Variants in TRPM3 observed in about 807,000 individuals in gnomAD.
TRPM3 encodes the protein long transient receptor potential channel 3.
Under a neutral mutation model 181.2 loss-of-function variants are expected in TRPM3, and 77 were observed. That is an observed-to-expected ratio of 0.42 (90% confidence interval 0.35 to 0.51). TRPM3 has a LOEUF of 0.51. Ranked by LOEUF, TRPM3 falls within the 20% of genes least tolerant of loss-of-function variation. TRPM3 has a pLI of 0.01. For missense variants in TRPM3, 1,759 were observed against 2,196.7 expected (o/e 0.80, Z 3.98); for synonymous variants, 745 against 796.4 (o/e 0.94, Z 1.09).
chr9:71,195,726 G>A (rs1416900543), intron 1 of TRPM3, among the ~76,000 whole-genome samples: 1 of 152,124 alleles, frequency 6.6e-6, no homozygotes, highest in Non-Finnish European at 1.5e-5. Context: ...ATCAGTGGAA[G>A]ACTGGGGTAA....
At chr9:70,963,672 C>T (rs1046633089) in intron 1 of TRPM3, among the ~76,000 whole-genome samples, 8 of 152,092 alleles carry the variant, frequency 5.3e-5, no homozygotes, top group African/African-American at 9.7e-5. Flanking sequence ...AGTAAATAAC[C>T]TGTTCAAGTT....
intron 6 of TRPM3, among the ~76,000 whole-genome samples, chr9:70,803,651 C>T (rs1012432971): frequency 6.6e-6 from 1 of 151,838 alleles, no homozygotes; most frequent in South Asian, 2.1e-4. Context: ...GGGGTTTCAC[C>T]GTGTTAGCCA....
chr9:71,086,281 T>C (rs900137262), intron 1 of TRPM3, among the ~76,000 whole-genome samples: 1 of 151,904 alleles, frequency 6.6e-6, no homozygotes, highest in Admixed American at 6.6e-5. Flanking sequence ...GGATTATTAG[T>C]ATCACAAACC....
At chr9:71,199,642 T>C in intron 1 of TRPM3, among the ~76,000 whole-genome samples, 1 of 152,212 alleles carries the variant, frequency 6.6e-6, no homozygotes, top group Non-Finnish European at 1.5e-5. Flanking sequence ...TTATTCTAGA[T>C]TTTCTAGTTT....
Position 70,953,312 on chromosome 9 carries a change from A to C in TRPM3, c.178-88801T>G, listed in dbSNP as rs12336935. Among the ~76,000 whole-genome samples the C allele has an allele frequency of 5.7e-3, 865 of 152,316 alleles. 6 individuals carry two copies. Among genetic ancestry groups the C allele is most frequent in the African/African-American group, 0.02 (815 of 41,576 alleles). On this transcript the variant is annotated intron_variant, in intron 1 of 25. Coordinates refer to ENST00000677713, the MANE Select transcript of TRPM3 (RefSeq NM_001366145.2). The stretch of plus-strand genomic sequence containing the variant: ...TGATTGGGAGACTGTGTCCATGAAC[A>C]TTCTTTCAAATCAAACTTAGTTTGA...
chr9:70,805,360 C>A (rs1463222861), intron 6 of TRPM3, among the ~76,000 whole-genome samples: 2 of 151,390 alleles, frequency 1.3e-5, no homozygotes, highest in Non-Finnish European at 2.9e-5. Flanking sequence ...ACGGTGAGAC[C>A]CCATCTCTAC....
intron 1 of TRPM3, among the ~76,000 whole-genome samples, chr9:71,003,775 T>C (rs1001872376): frequency 2.7e-5 from 4 of 150,612 alleles, no homozygotes; most frequent in African/African-American, 9.8e-5. Context: ...CCCGTAAAAA[T>C]ACAGCTAGAA....
chr9:71,304,625 C>G lies in TRPM3; in HGVS notation c.183+142028G>C, dbSNP rs554784242. On this transcript the variant is annotated intron_variant, in intron 1 of 24. Transcript: ENST00000357533. ...TGCATATTGAATAGTGCATCATAGA[C>G]ATGCCACATCACCACGCAAATGGAA... Among the ~76,000 whole-genome samples, 425 of 152,310 alleles carry G rather than the reference C, an allele frequency of 2.8e-3. 1 individual carries two copies. The highest frequency in any genetic ancestry group is 0.014 in the Middle Eastern group (4 of 294).
intron 1 of TRPM3, among the ~76,000 whole-genome samples, chr9:71,091,823 T>C (rs2066274842): frequency 6.6e-6 from 1 of 152,112 alleles, no homozygotes; most frequent in Non-Finnish European, 1.5e-5. Flanking sequence ...CATCATCTAG[T>C]ATTTGAAAGC....
At position 71,297,087 on chromosome 9, in the gene TRPM3, G is replaced by A. The variant is rs1372868971; in HGVS notation, c.183+149566C>T. On this transcript the variant is annotated intron_variant, in intron 1 of 24. Coordinates refer to the TRPM3 transcript ENST00000357533. ...GCTCACTGCAACCTCCGCCTCCTGGGTTCAAGCAATTCTCCTGCCTCAGCC... is the reference window on the plus strand; with the variant it reads ...GCTCACTGCAACCTCCGCCTCCTGGATTCAAGCAATTCTCCTGCCTCAGCC... Among the ~76,000 whole-genome samples the A allele has an allele frequency of 7.3e-5, 11 of 150,132 alleles. No homozygotes were observed. The Admixed American group carries it at 7.3e-4, about 10-fold the overall frequency.
intron 22 of TRPM3, among the ~76,000 whole-genome samples, chr9:70,553,751 C>A (rs890599863): frequency 5.9e-5 from 9 of 152,200 alleles, no homozygotes; most frequent in African/African-American, 2.2e-4. Flanking sequence ...AGCAGCATCT[C>A]GGGACTATTG....
intron 7 of TRPM3, among the ~76,000 whole-genome samples, chr9:70,768,821 A>C (rs1329572295): frequency 3.9e-5 from 6 of 152,114 alleles, no homozygotes; most frequent in Admixed American, 3.3e-4. Flanking sequence ...GAGGGACCTG[A>C]GACAGGTTAT....
At chr9:70,776,959 G>T (rs1020289567) in intron 7 of TRPM3, among the ~76,000 whole-genome samples, 2 of 152,198 alleles carry the variant, frequency 1.3e-5, no homozygotes, top group South Asian at 4.1e-4. Flanking sequence ...TTTAGGGGGA[G>T]CTGGATCTCC....
intron 1 of TRPM3, among the ~76,000 whole-genome samples, chr9:71,054,822 C>T (rs1339688809): frequency 1.3e-5 from 2 of 152,056 alleles, no homozygotes; most frequent in African/African-American, 2.4e-5. Flanking sequence ...GTCACTAGGG[C>T]TTTGATGACC....
intron 8 of TRPM3, among the ~76,000 whole-genome samples, chr9:70,686,751 T>C: frequency 2.0e-5 from 2 of 100,116 alleles, no homozygotes; most frequent in Non-Finnish European, 4.1e-5. Flanking sequence ...CCCTTCCTCC[T>C]TCTCTCCCTC....
intron 7 of TRPM3, among the ~76,000 whole-genome samples, chr9:70,770,850 A>G (rs148286372): frequency 2.0e-4 from 30 of 152,322 alleles, no homozygotes; most frequent in Non-Finnish European, 3.5e-4. Flanking sequence ...AGGAAATCCC[A>G]ATGATGCCTA....
intron 1 of TRPM3, among the ~76,000 whole-genome samples, chr9:70,930,320 T>C (rs985704908): frequency 3.3e-5 from 5 of 152,216 alleles, no homozygotes; most frequent in African/African-American, 1.2e-4. Flanking sequence ...GGAAATTATC[T>C]TGTCAACTTA....
chr9:71,415,786 GTTT>G (rs2093628177), intron 1 of TRPM3, among the ~76,000 whole-genome samples: 1 of 151,718 alleles, frequency 6.6e-6, no homozygotes, highest in African/African-American at 2.4e-5. Flanking sequence ...ATTTCTAAAA[GTTT>G]CTCTAGATTT....
At chr9:70,817,223 G>A (rs189927707) in intron 6 of TRPM3, among the ~76,000 whole-genome samples, 55 of 152,276 alleles carry the variant, frequency 3.6e-4, no homozygotes, top group Non-Finnish European at 4.4e-5. Context: ...ACAAAATACT[G>A]ACACATAAGA....
Sources: allele counts gnomAD v4.1 joint callset (sites outside exome capture counted in the v4.1 genomes callset), GRCh38; gene constraint gnomAD v4.1.1; transcripts MANE v1.5; gene names NCBI Gene and HGNC (gene_info 2026-07-23, HGNC 2026-07-21).